MAST4: variants seen among roughly 807,000 people sequenced by gnomAD.
The protein encoded by MAST4 is microtubule associated serine/threonine kinase family member 4.
A neutral mutation model predicts 162.7 loss-of-function variants in MAST4; 89 were observed. The observed-to-expected ratio is 0.55, with a 90% CI of 0.46 to 0.65. The LOEUF (loss-of-function observed/expected upper bound fraction) is 0.65. MAST4 is among the 30% of genes least tolerant of loss of function. The pLI is 0.00. For missense variants in MAST4, 3,153 were observed against 3,374.0 expected (o/e 0.93, Z 1.62); for synonymous variants, 1,479 against 1,361.1 (o/e 1.09, Z -1.91).
At chr5:66,996,539 A>G (rs1208278867) in intron 4 of MAST4, among the ~76,000 whole-genome samples, 1 of 152,232 alleles carries the variant, frequency 6.6e-6, no homozygotes, top group Non-Finnish European at 1.5e-5. Context: ...TAAAGGTCAG[A>G]AGTCCGAAAT....
Position 67,110,031 on chromosome 5 carries a change from T to C in MAST4, c.1357-67T>C, listed in dbSNP as rs76321172. On this transcript the variant is annotated intron_variant, in intron 10 of 28. Coordinates refer to ENST00000403625, the MANE Select transcript of MAST4 (RefSeq NM_001164664.2). ...TTGCAATGATCTAATTAGCATGCTT[T>C]GCTGATTTTCTTTTCCATTTAATGG... 6,089 of 1,130,010 alleles carry C rather than the reference T, an allele frequency of 5.4e-3. 245 individuals are homozygous for C. In the African/African-American group the frequency reaches 0.083, roughly 15 times the overall value. The allele number at this position is 1,130,010 out of a possible 1,614,324, so 70.0% of individuals were successfully genotyped here.
intron 3 of MAST4, among the ~76,000 whole-genome samples, chr5:66,860,940 C>T (rs1760069355): frequency 1.3e-5 from 2 of 152,050 alleles, no homozygotes; most frequent in Admixed American, 6.6e-5. Flanking sequence ...AGTTGGGATC[C>T]CTGGCTGGTG....
At chr5:66,973,326 A>C (rs1305528518) in intron 4 of MAST4, among the ~76,000 whole-genome samples, 1 of 152,010 alleles carries the variant, frequency 6.6e-6, no homozygotes, top group African/African-American at 2.4e-5. Flanking sequence ...GTTAAAGATC[A>C]TATGTTCCAT....
rs138218513 is a variant in MAST4 at position 66,873,827 on chromosome 5, T to A, written c.643-26124T>A. 9.3e-4 allele frequency among the ~76,000 whole-genome samples: 142 copies of A among 152,348 alleles called. 1 individual carries two copies. In the East Asian group the frequency reaches 0.026, roughly 28 times the overall value. Reference sequence around the variant, plus strand: ...TATTTCTCAATCCTAAAAATCTCTCTACACATGTCATTCCTTATTCCTTGC... The same window carrying A: ...TATTTCTCAATCCTAAAAATCTCTCAACACATGTCATTCCTTATTCCTTGC... On this transcript the variant is annotated intron_variant, in intron 3 of 28. Coordinates refer to ENST00000403625, the MANE Select transcript of MAST4 (RefSeq NM_001164664.2).
chr5:66,603,890 G>C (rs73764384), intron 1 of MAST4, among the ~76,000 whole-genome samples: 3,305 of 152,246 alleles, frequency 0.022, 124 homozygotes, highest in African/African-American at 0.075. Flanking sequence ...CCAGTATTTT[G>C]TCTGGCTTCT....
rs753471629 is a variant in MAST4 at position 66,788,681 on chromosome 5, C to T, written c.529C>T (p.Leu177Phe). The change falls in exon 3 of 29, where the codon CTT (leucine) becomes TTT (phenylalanine). Residue 177 changes from leucine (L) to phenylalanine (F), a missense_variant. Physicochemically the swap from Leu to Phe is conservative, Grantham distance 22. Coordinates refer to ENST00000403625, the MANE Select transcript of MAST4 (RefSeq NM_001164664.2). ...TTTAACTCCAACAGGGAGGTACCTT[C>T]TTCCAAACCCGGTGGCGGGACAGGC... is the stretch of plus-strand genomic sequence containing the variant. ...LGGALTGRYL[L>F]PNPVAGQAWP... is the part of the protein sequence containing the mutation. 4.6e-6 allele frequency: 7 copies of T among 1,518,196 alleles called. No homozygotes were observed. Among genetic ancestry groups the T allele is most frequent in the African/African-American group, 1.4e-5 (1 of 71,126 alleles). 94.0% of individuals were successfully genotyped at this position (1,518,196 alleles called of 1,614,324 possible).
intron 3 of MAST4, among the ~76,000 whole-genome samples, chr5:66,866,794 A>G (rs1760556203): frequency 6.6e-6 from 1 of 152,216 alleles, no homozygotes. Flanking sequence ...CCCATCATCC[A>G]GGCTGGAGTG....
chr5:67,045,270 G>A (rs469300), intron 4 of MAST4, among the ~76,000 whole-genome samples: 65,312 of 151,960 alleles, frequency 0.43, 14,812 homozygotes, highest in African/African-American at 0.56. Context: ...TGTAAGCTTC[G>A]TGTACAATTC....
intron 3 of MAST4, among the ~76,000 whole-genome samples, chr5:66,802,383 A>G (rs1030119418): frequency 4.6e-5 from 7 of 152,218 alleles, no homozygotes; most frequent in African/African-American, 1.7e-4. Flanking sequence ...TAAGTATTTG[A>G]GAGCCCAACC....
At chr5:66,735,674 G>T (rs938667665) in intron 1 of MAST4, among the ~76,000 whole-genome samples, 2 of 152,122 alleles carry the variant, frequency 1.3e-5, no homozygotes, top group Non-Finnish European at 2.9e-5. Flanking sequence ...GTTTTTATAT[G>T]TATATTTGGA....
In MAST4 at chr5:67,166,176, C is replaced by T; in HGVS notation, c.6997C>T (p.His2333Tyr). Residue 2333 changes from histidine to tyrosine, a missense_variant, in exon 29 of 29, where the codon CAC (histidine) becomes TAC (tyrosine). This residue lies in a region of MAST4 where 1,644 missense variants were observed against 1,495.0 expected (regional missense o/e 1.10). Transcript: ENST00000403625. ...VGEKQTLSPK[H>Y]PKPSTVKDCP... is the part of the protein sequence containing the mutation. ...TGAAAAGCAAACCCTGTCTCCAAAG[C>T]ACCCCAAACCATCCACTGTGAAAGA... is the stretch of plus-strand genomic sequence containing the variant. 1.3e-6 allele frequency: 2 copies of T among 1,556,140 alleles called. No individual in the cohort carries two copies. The highest frequency in any genetic ancestry group is 1.7e-6 in the Non-Finnish European group (2 of 1,149,438).
chr5:67,109,978 T>C, intron 10 of MAST4, 120 bp from the exon 11 acceptor site: 2 of 680,566 alleles, frequency 2.9e-6, no homozygotes, highest in Non-Finnish European at 5.2e-6. Flanking sequence ...TTTAATAGCA[T>C]TTTCTAAATT....
chr5:66,906,360 A>G (rs1227384172), intron 4 of MAST4, among the ~76,000 whole-genome samples: 2 of 152,146 alleles, frequency 1.3e-5, no homozygotes, highest in Admixed American at 6.5e-5. Flanking sequence ...TTAGAATTTT[A>G]TATTTGGTTG....
chr5:67,138,095 T>A (rs574176848), intron 19 of MAST4, among the ~76,000 whole-genome samples: 55 of 152,220 alleles, frequency 3.6e-4, no homozygotes, highest in African/African-American at 1.3e-3. Context: ...CTAGGCTGAG[T>A]TTAAATCTCG....
At chr5:66,767,172 TGTGTGTG>T (rs1451123748) in intron 2 of MAST4, among the ~76,000 whole-genome samples, 350 of 33,992 alleles carry the variant, frequency 0.01, 5 homozygotes, top group African/African-American at 0.022. Context: ...AAAGTGCACG[TGTGTGTG>T]TGTGTGTGTG....
chr5:66,898,016 ATTTATTATTTTGTTGT>A (rs1196976100), intron 3 of MAST4, among the ~76,000 whole-genome samples: 3 of 152,034 alleles, frequency 2.0e-5, no homozygotes, highest in Non-Finnish European at 2.9e-5. Flanking sequence ...ATAACATCTG[ATTTATTATTTTGTTGT>A]TATTAATGAT....
intron 2 of MAST4, among the ~76,000 whole-genome samples, chr5:66,782,289 CAAA>C (rs573328157): frequency 4.3e-5 from 4 of 92,674 alleles, no homozygotes; most frequent in Non-Finnish European, 2.0e-5. Context: ...GACTTCGTCT[CAAA>C]AAAAAAAAAA....
chr5:66,895,915 C>T (rs1419814615), intron 3 of MAST4, among the ~76,000 whole-genome samples: 1 of 152,128 alleles, frequency 6.6e-6, no homozygotes, highest in Non-Finnish European at 1.5e-5. Flanking sequence ...TACCCTTCTT[C>T]CAGTCCCTCA....
intron 4 of MAST4, among the ~76,000 whole-genome samples, chr5:66,949,722 A>T (rs959094825): frequency 1.3e-5 from 2 of 152,114 alleles, no homozygotes; most frequent in Non-Finnish European, 2.9e-5. Flanking sequence ...ATATTTTCCC[A>T]TGGATTTGTC....
Sources: allele counts gnomAD v4.1 joint callset (sites outside exome capture counted in the v4.1 genomes callset), GRCh38; gene constraint gnomAD v4.1.1; regional missense constraint gnomAD v4.1.1; transcripts MANE v1.5; gene names NCBI Gene and HGNC (gene_info 2026-07-23, HGNC 2026-07-21).